Variants in ZNF564 observed in about 807,000 individuals in gnomAD.
ZNF564 encodes zinc finger protein 564.
Under a neutral mutation model 10.5 loss-of-function variants are expected in ZNF564, and 5 were observed. The observed-to-expected ratio is 0.48, with a 90% CI of 0.25 to 1.00. The LOEUF is 1.00. Among genes scored for constraint, ZNF564 ranks in the 50% least tolerant of loss-of-function variants. ZNF564 has a pLI of 0.16. For synonymous variants in ZNF564, 242 were observed against 218.1 expected (o/e 1.11, Z -0.97); for missense variants, 603 against 669.7 (o/e 0.90, Z 1.10).
chr19:12,526,986 G>A lies in ZNF564; in HGVS notation c.1122C>T (p.Phe374=), dbSNP rs1170230982. The part of the protein sequence containing the change: ...PYECKECGKA[F]ISLPSVRRHM... Reference sequence around the variant, plus strand: ...GTCTTCGGACACTTGGGAGAGAAATGAAGGCTTTCCCGCATTCCTTACATT... The same window carrying A: ...GTCTTCGGACACTTGGGAGAGAAATAAAGGCTTTCCCGCATTCCTTACATT... Residue 374 remains phenylalanine (F), a synonymous_variant, in exon 4 of 4, where the codon TTC becomes TTT. Transcript: ENST00000339282. The A allele has an allele frequency of 1.9e-6, 3 of 1,613,840 alleles. No homozygotes were observed. Among genetic ancestry groups the A allele is most frequent in the Non-Finnish European group, 1.7e-6 (2 of 1,179,992 alleles).
chr19:12,542,583 T>C (rs1036382560), intron 1 of ZNF564, among the ~76,000 whole-genome samples: 1 of 145,650 alleles, frequency 6.9e-6, no homozygotes, highest in Non-Finnish European at 1.5e-5. Flanking sequence ...ATCACGCCAG[T>C]GCAGATCATG....
At chr19:12,539,216 C>T (rs957111632) in intron 1 of ZNF564, among the ~76,000 whole-genome samples, 2 of 117,534 alleles carry the variant, frequency 1.7e-5, no homozygotes, top group African/African-American at 3.5e-5. Flanking sequence ...ACTCCAGCCT[C>T]GGTGACAGAA....
chr19:12,526,985 T>C lies in ZNF564; in HGVS notation c.1123A>G (p.Ile375Val), dbSNP rs772083083. The change falls in exon 4 of 4, where the codon ATT becomes GTT. Residue 375 changes from isoleucine to valine, a missense_variant. Coordinates refer to ENST00000339282, the MANE Select transcript of ZNF564 (RefSeq NM_144976.4). ...YECKECGKAF[I>V]SLPSVRRHMI... ...TGTCTTCGGACACTTGGGAGAGAAA[T>C]GAAGGCTTTCCCGCATTCCTTACAT... 1 of 1,613,644 alleles carries C rather than the reference T, an allele frequency of 6.2e-7. No individual in the cohort carries two copies. Among genetic ancestry groups the C allele is most frequent in the Admixed American group, 1.7e-5 (1 of 59,936 alleles).
intron 1 of ZNF564, among the ~76,000 whole-genome samples, chr19:12,535,819 T>C (rs1168972822): frequency 6.6e-6 from 1 of 151,952 alleles, no homozygotes; most frequent in African/African-American, 2.4e-5. Flanking sequence ...ATCGAGACCA[T>C]CCTGGCCAAC....
rs2021737902 is a variant in ZNF564 at position 12,528,551 on chromosome 19, G to T, written c.130+19C>A. On this transcript the variant is annotated intron_variant, in intron 2 of 3. Transcript: ENST00000339282. ...CTTCTTCTCTAACTGACTAAAAGAA[G>T]GAATGATGTCATCCTTACCTACACA... 5.0e-6 allele frequency: 8 copies of T among 1,609,992 alleles called. No individual in the cohort carries two copies. In the East Asian group the frequency reaches 1.8e-4, roughly 36 times the overall value.
At chr19:12,544,087 G>A (rs1050043207) in intron 1 of ZNF564, among the ~76,000 whole-genome samples, 28 of 152,146 alleles carry the variant, frequency 1.8e-4, no homozygotes, top group African/African-American at 6.0e-4. Flanking sequence ...TGCTGTTCAA[G>A]CCACCCAGCC....
intron 1 of ZNF564, chr19:12,550,709 G>A (rs1191505820): frequency 6.4e-6 from 1 of 157,102 alleles, no homozygotes; most frequent in Non-Finnish European, 1.4e-5. Flanking sequence ...AGAGTATGGT[G>A]AAAGAAACTA....
rs770798143 is a variant in ZNF564 at position 12,527,411 on chromosome 19, C to T, written c.697G>A (p.Ala233Thr). 2 of 1,614,058 alleles carry T rather than the reference C, an allele frequency of 1.2e-6. No individual in the cohort carries two copies. The highest frequency in any genetic ancestry group is 1.7e-6 in the Non-Finnish European group (2 of 1,179,992). ...KPYECQECAKAFISLPSFQRH... is the reference protein window; with the variant it reads ...KPYECQECAKTFISLPSFQRH... Reference sequence around the variant, plus strand: ...TGAAAACTTGGAAGAGAAATGAAAGCTTTTGCACATTCCTGACATTCATAG... The same window carrying T: ...TGAAAACTTGGAAGAGAAATGAAAGTTTTTGCACATTCCTGACATTCATAG... Residue 233 changes from alanine to threonine, a missense_variant, in exon 4 of 4, where the codon GCT becomes ACT. By Grantham distance (58) the Ala-to-Thr change is moderately conservative (BLOSUM62 0). Transcript: ENST00000339282.
chr19:12,531,748 G>A (rs1327152335), intron 1 of ZNF564, among the ~76,000 whole-genome samples: 1 of 151,498 alleles, frequency 6.6e-6, no homozygotes, highest in African/African-American at 2.4e-5. Flanking sequence ...AAGAAGGAAG[G>A]TCAGAGACAA....
intron 1 of ZNF564, among the ~76,000 whole-genome samples, chr19:12,539,785 C>T (rs577308567): frequency 7.2e-4 from 110 of 152,018 alleles, no homozygotes; most frequent in Middle Eastern, 3.4e-3. Flanking sequence ...ACCATCCTGG[C>T]TAACTCGGTG....
In ZNF564 at chr19:12,526,870, CT is replaced by C; in HGVS notation, c.1237del (p.Arg413GlufsTer28). On this transcript the variant is annotated frameshift_variant, in exon 4 of 4. Transcript: ENST00000339282. LOFTEE classifies it low-confidence loss of function (END_TRUNC). ...DCPSSFQIHE[R>X]THTGEKPYEC... Reference sequence around the variant, plus strand: ...ATAGGGTTTCTCTCCAGTGTGAGTTCTTTCGTGTATTTGAAATGAACTGGGA... The same window carrying C: ...ATAGGGTTTCTCTCCAGTGTGAGTTCTTCGTGTATTTGAAATGAACTGGGA... The C allele has an allele frequency of 6.2e-7, 1 of 1,614,060 alleles. No homozygotes were observed. Among genetic ancestry groups the C allele is most frequent in the South Asian group, 1.1e-5 (1 of 91,076 alleles).
At position 12,551,316 on chromosome 19, in the gene ZNF564, C is replaced by T. The variant is rs533403060; in HGVS notation, c.3+14G>A. ...CCTCCCCCAGTCTCCAGGCGCCCGG[C>T]CCCGCACACGCACCATTTCCTGGCT... On this transcript the variant is annotated intron_variant, in intron 1 of 3. Transcript: ENST00000339282. 6.2e-7 allele frequency: 1 copy of T among 1,606,898 alleles called. No homozygotes were observed. The highest frequency in any genetic ancestry group is 1.1e-5 in the South Asian group (1 of 90,118).
At chr19:12,543,316 A>AG (rs1171041881) in intron 1 of ZNF564, among the ~76,000 whole-genome samples, 1 of 144,026 alleles carries the variant, frequency 6.9e-6, no homozygotes, top group Non-Finnish European at 1.5e-5. Context: ...AAAAAAAAAA[A>AG]AGAGAGAAGG....
intron 1 of ZNF564, among the ~76,000 whole-genome samples, chr19:12,531,509 G>C (rs1182078091): frequency 1.3e-5 from 2 of 152,034 alleles, no homozygotes; most frequent in Non-Finnish European, 2.9e-5. Context: ...GGAAAGTGCA[G>C]TGAGCCGAGA....
In ZNF564 at chr19:12,526,574, T is replaced by C; in HGVS notation, c.1534A>G (p.Lys512Glu). 1 of 1,614,222 alleles carries C rather than the reference T, an allele frequency of 6.2e-7. No homozygotes were observed. Among genetic ancestry groups the C allele is most frequent in the Non-Finnish European group, 8.5e-7 (1 of 1,180,040 alleles). Residue 512 changes from lysine to glutamate, a missense_variant, in exon 4 of 4, where the codon AAA (lysine) becomes GAA (glutamate). Coordinates refer to ENST00000339282, the MANE Select transcript of ZNF564 (RefSeq NM_144976.4). ...EKPYECKQCG[K>E]TFSYSSSFQR... is the part of the protein sequence containing the mutation. The stretch of plus-strand genomic sequence containing the variant: ...AAGGAACTGGAATAACTGAACGTTT[T>C]TCCACATTGCTTACATTCATAGGGT...
chr19:12,539,859 T>C (rs1320641401), intron 1 of ZNF564, among the ~76,000 whole-genome samples: 1 of 150,636 alleles, frequency 6.6e-6, no homozygotes, highest in Admixed American at 6.6e-5. Flanking sequence ...TGGGCGCCTG[T>C]AGTCCCAGCT....
chr19:12,527,193 C>T lies in ZNF564; in HGVS notation c.915G>A (p.Gly305=), dbSNP rs759153837. ...ATACTTTACATTTATAAGGTCCATC[C>T]CCAGTGTGCCTAATCATATGACTTT... The part of the protein sequence containing the change: ...NFQSHMIRHT[G]DGPYKCKVCG... The change falls in exon 4 of 4, where the codon GGG becomes GGA. Residue 305 remains glycine, a synonymous_variant. Coordinates refer to ENST00000339282, the MANE Select transcript of ZNF564 (RefSeq NM_144976.4). 1.2e-6 allele frequency: 2 copies of T among 1,613,652 alleles called. No individual in the cohort carries two copies. Among genetic ancestry groups the T allele is most frequent in the East Asian group, 2.2e-5 (1 of 44,826 alleles).
At chr19:12,532,534 CAAAAAAAAAAAA>C (rs35579003) in intron 1 of ZNF564, among the ~76,000 whole-genome samples, 9 of 39,238 alleles carry the variant, frequency 2.3e-4, no homozygotes, top group Admixed American at 1.1e-3. Context: ...GACTCCGTCT[CAAAAAAAAAAAA>C]AAAAAAAAAA....
intron 1 of ZNF564, among the ~76,000 whole-genome samples, chr19:12,546,680 A>G (rs2022161112): frequency 1.3e-5 from 2 of 152,192 alleles, no homozygotes; most frequent in Non-Finnish European, 2.9e-5. Context: ...GCAGTGAGCC[A>G]AGATCGCGCC....
Sources: allele counts gnomAD v4.1 joint callset (sites outside exome capture counted in the v4.1 genomes callset), GRCh38; gene constraint gnomAD v4.1.1; transcripts MANE v1.5; gene names NCBI Gene and HGNC (gene_info 2026-07-23, HGNC 2026-07-21).